The following PTN variants were observed in gnomAD, a reference collection of about 807,000 sequenced individuals.
PTN encodes heparin affin regulatory protein.
PTN carries 18 observed loss-of-function variants against 24.1 expected under a neutral mutation model. The ratio of observed to expected loss-of-function variants is 0.75; its 90% CI spans 0.52 to 1.11. The LOEUF is 1.11. PTN is among the 50% of genes least tolerant of loss of function. The probability of loss-of-function intolerance (pLI) is 0.00; values close to 1 mark genes in which losing one functional copy is unlikely to be tolerated. For missense variants in PTN, 163 were observed against 198.8 expected (o/e 0.82, Z 1.08); for synonymous variants, 78 against 68.6 (o/e 1.14, Z -0.67).
intron 1 of PTN, among the ~76,000 whole-genome samples, chr7:137,273,443 G>C (rs1231788047): frequency 6.6e-6 from 1 of 152,180 alleles, no homozygotes; most frequent in African/African-American, 2.4e-5. Context: ...CAGCATGGCT[G>C]GGGAAGCTGC....
chr7:137,254,819 A>C (rs761399836), intron 2 of PTN, 40 bp downstream of exon 2: 32 of 1,378,426 alleles, frequency 2.3e-5, no homozygotes, highest in Admixed American at 1.5e-4. Flanking sequence ...GATGGACATT[A>C]ATCAATGAAG....
chr7:137,308,185 T>C (rs183144697), intron 1 of PTN, among the ~76,000 whole-genome samples: 2 of 152,164 alleles, frequency 1.3e-5, no homozygotes, highest in Non-Finnish European at 2.9e-5. Flanking sequence ...GTTTATTATC[T>C]TTTTAAATTT....
intron 1 of PTN, among the ~76,000 whole-genome samples, chr7:137,271,544 A>C (rs181107769): frequency 1.6e-3 from 240 of 152,370 alleles, no homozygotes; most frequent in African/African-American, 5.5e-3. Context: ...TTCTCTTTAT[A>C]ATATAACTGT....
chr7:137,255,373 C>T (rs545130759), intron 1 of PTN, among the ~76,000 whole-genome samples: 2 of 152,126 alleles, frequency 1.3e-5, no homozygotes, highest in African/African-American at 4.8e-5. Context: ...TAGAAACAAC[C>T]ACAGCAATGA....
At position 137,265,326 on chromosome 7, in the gene PTN, A is replaced by C. The variant is rs528735799; in HGVS notation, c.-1-10352T>G. Among the ~76,000 whole-genome samples the C allele has an allele frequency of 2.6e-5, 4 of 152,286 alleles. No homozygotes were observed. The East Asian group carries it at 7.8e-4, about 30-fold the overall frequency. On this transcript the variant is annotated intron_variant, in intron 1 of 4. Transcript: ENST00000348225. ...GATGAAATGCCAGGGTGAAAGGGAT[A>C]GCCAATTGGACTAAAGTATAAGTGC...
chr7:137,282,226 T>C (rs746548285), intron 1 of PTN, among the ~76,000 whole-genome samples: 2 of 152,232 alleles, frequency 1.3e-5, no homozygotes, highest in Non-Finnish European at 2.9e-5. Flanking sequence ...GAGCTATCAC[T>C]TTTGTTTTTA....
intron 1 of PTN, among the ~76,000 whole-genome samples, chr7:137,278,461 G>A (rs1378324608): frequency 6.6e-6 from 1 of 152,068 alleles, no homozygotes; most frequent in African/African-American, 2.4e-5. Flanking sequence ...CTGAAAGGAT[G>A]GGAGAAGTTA....
intron 1 of PTN, among the ~76,000 whole-genome samples, chr7:137,287,343 A>G (rs1039116449): frequency 1.3e-4 from 20 of 152,198 alleles, no homozygotes; most frequent in African/African-American, 4.1e-4. Context: ...AAGTGGCCCA[A>G]ACCTGATCAC....
chr7:137,260,493 C>T (rs1288827467), intron 1 of PTN, among the ~76,000 whole-genome samples: 1 of 151,856 alleles, frequency 6.6e-6, no homozygotes, highest in Admixed American at 6.6e-5. Context: ...AGGGTGCTTC[C>T]CTTGACTTGT....
intron 4 of PTN, among the ~76,000 whole-genome samples, chr7:137,241,962 T>G (rs752725089): frequency 5.3e-5 from 8 of 152,218 alleles, no homozygotes; most frequent in Admixed American, 1.3e-4. Flanking sequence ...TCAACACAGT[T>G]AAAAGTCTCC....
At chr7:137,330,823 G>A (rs1455803816) in intron 1 of PTN, among the ~76,000 whole-genome samples, 1 of 152,152 alleles carries the variant, frequency 6.6e-6, no homozygotes, top group Non-Finnish European at 1.5e-5. Flanking sequence ...ATGGCAAGAG[G>A]CACCTGGAGC....
At chr7:137,336,547 G>A (rs562197599) in intron 1 of PTN, among the ~76,000 whole-genome samples, 1 of 152,146 alleles carries the variant, frequency 6.6e-6, no homozygotes, top group African/African-American at 2.4e-5. Flanking sequence ...CCCAGGCCTT[G>A]AGCATGATCA....
chr7:137,260,318 A>G (rs1809011077), intron 1 of PTN, among the ~76,000 whole-genome samples: 1 of 152,174 alleles, frequency 6.6e-6, no homozygotes, highest in South Asian at 2.1e-4. Context: ...AACACAAGTT[A>G]TAGAAAAACC....
chr7:137,268,580 G>A (rs1263745350), intron 1 of PTN, among the ~76,000 whole-genome samples: 3 of 152,200 alleles, frequency 2.0e-5, no homozygotes, highest in Non-Finnish European at 4.4e-5. Flanking sequence ...TGGTCAGAGT[G>A]AAACAGAACA....
chr7:137,240,402 G>A (rs925587903), intron 4 of PTN, among the ~76,000 whole-genome samples: 2 of 152,188 alleles, frequency 1.3e-5, no homozygotes, highest in Admixed American at 6.5e-5. Context: ...GCCACTCTAT[G>A]TGGTACACTG....
At chr7:137,243,413 G>A (rs1017015555) in intron 4 of PTN, among the ~76,000 whole-genome samples, 2 of 152,112 alleles carry the variant, frequency 1.3e-5, no homozygotes, top group African/African-American at 4.8e-5. Context: ...GATTACCCTT[G>A]GCAATTTTTT....
intron 1 of PTN, among the ~76,000 whole-genome samples, chr7:137,335,928 CTTT>C (rs35429933): frequency 0.39 from 54,532 of 141,410 alleles, 10,277 homozygotes; most frequent in South Asian, 0.47. Flanking sequence ...TGTCTTCTCG[CTTT>C]TTTTTTTTTT....
At position 137,278,179 on chromosome 7, in the gene PTN, C is replaced by T. The variant is rs373443570; in HGVS notation, c.-1-23205G>A. Among the ~76,000 whole-genome samples the T allele has an allele frequency of 2.7e-5, 4 of 149,864 alleles. No homozygotes were observed. The East Asian group carries it at 7.9e-4, about 29-fold the overall frequency. On this transcript the variant is annotated intron_variant, in intron 1 of 4. Transcript: ENST00000348225. Reference sequence around the variant, plus strand: ...AAAATTAGCCGGGCGTGGTAGCGGGCGCCTGTAGTCCCAGCTACTCGGGAG... The same window carrying T: ...AAAATTAGCCGGGCGTGGTAGCGGGTGCCTGTAGTCCCAGCTACTCGGGAG...
intron 4 of PTN, among the ~76,000 whole-genome samples, chr7:137,246,329 T>C (rs73162494): frequency 0.014 from 2,094 of 152,328 alleles, 28 homozygotes; most frequent in Non-Finnish European, 0.023. Flanking sequence ...CAATCGGCTA[T>C]ACCTTACAGC....
Sources: gnomAD v4.1 joint callset for allele counts (sites outside exome capture counted in the v4.1 genomes callset) on GRCh38, gnomAD v4.1.1 for gene constraint, MANE v1.5 for transcripts, NCBI Gene and HGNC (gene_info 2026-07-23, HGNC 2026-07-21) for gene names.